Variants in RBPJ observed in about 807,000 individuals in gnomAD.
The protein encoded by RBPJ is recombining binding protein suppressor of hairless.
In RBPJ, 9 loss-of-function variants were observed where a neutral mutation model predicts 67.8. The ratio of observed to expected loss-of-function variants is 0.13; its 90% confidence interval spans 0.08 to 0.23. The LOEUF (loss-of-function observed/expected upper bound fraction) is 0.23. Among genes scored for constraint, RBPJ ranks in the 10% least tolerant of loss-of-function variants. RBPJ has a pLI of 1.00. For synonymous variants in RBPJ, 198 were observed against 203.3 expected (o/e 0.97, Z 0.22); for missense variants, 305 against 595.6 (o/e 0.51, Z 5.08).
At chr4:26,265,874 T>C (rs995923608) in intron 1 of RBPJ, among the ~76,000 whole-genome samples, 1 of 151,988 alleles carries the variant, frequency 6.6e-6, no homozygotes, top group Non-Finnish European at 1.5e-5. Context: ...CCTTCTCTAC[T>C]AAAAATACAA....
chr4:26,391,013 T>A (rs1170394700), intron 2 of RBPJ, among the ~76,000 whole-genome samples: 1 of 152,204 alleles, frequency 6.6e-6, no homozygotes, highest in Non-Finnish European at 1.5e-5. Flanking sequence ...TCCATGTTTG[T>A]GCCTCTGCAC....
intron 1 of RBPJ, among the ~76,000 whole-genome samples, chr4:26,344,068 G>C (rs1029954301): frequency 1.3e-5 from 2 of 151,364 alleles, no homozygotes; most frequent in African/African-American, 2.4e-5. Context: ...CTTTTTAGTA[G>C]AGATGGCATT....
intron 1 of RBPJ, among the ~76,000 whole-genome samples, chr4:26,284,366 C>T (rs1456187551): frequency 6.6e-6 from 1 of 152,206 alleles, no homozygotes; most frequent in Non-Finnish European, 1.5e-5. Flanking sequence ...TTAGTGAAAA[C>T]AATTTTGGTT....
the RBPJ span, among the ~76,000 whole-genome samples, chr4:26,142,168 T>C: frequency 6.6e-6 from 1 of 152,268 alleles, no homozygotes; most frequent in Non-Finnish European, 1.5e-5. Flanking sequence ...TGTTTGCTTT[T>C]GAGAAGTACA....
chr4:26,217,061 A>G lies in RBPJ; in HGVS notation c.-167+53447A>G, dbSNP rs368674726. ...AAGGTGCTCTTTGAGATTCTAGGCA[A>G]AACATGGAGGTGGTTTGGACTAGAT... On this transcript the variant is annotated intron_variant, in intron 1 of 4. Transcript: ENST00000512351. 1.4e-4 allele frequency among the ~76,000 whole-genome samples: 21 copies of G among 152,294 alleles called. 1 individual carries two copies. In the East Asian group the frequency reaches 2.7e-3, roughly 20 times the overall value.
chr4:26,166,810 G>T (rs1716323333), intron 1 of RBPJ, among the ~76,000 whole-genome samples: 1 of 152,160 alleles, frequency 6.6e-6, no homozygotes, highest in African/African-American at 2.4e-5. Flanking sequence ...GTCCTGAATG[G>T]TAATGCCTAG....
intron 1 of RBPJ, among the ~76,000 whole-genome samples, chr4:26,231,410 T>A (rs898585898): frequency 2.0e-5 from 3 of 149,590 alleles, no homozygotes; most frequent in African/African-American, 7.3e-5. Context: ...TTTTTTTAAT[T>A]GCACTTTTTT....
At chr4:26,210,795 CTTT>C in intron 1 of RBPJ, among the ~76,000 whole-genome samples, 1 of 140,480 alleles carries the variant, frequency 7.1e-6, no homozygotes, top group East Asian at 2.1e-4. Context: ...TTCTTTCTTT[CTTT>C]CTTTCTTTCT....
rs1161098754 is a variant in RBPJ, at chr4:26,254,404, C to G, written c.-167+90790C>G. Among the ~76,000 whole-genome samples, 3 of 148,716 alleles carry G rather than the reference C, an allele frequency of 2.0e-5. No homozygotes were observed. In the East Asian group the frequency reaches 5.8e-4, roughly 29 times the overall value. On this transcript the variant is annotated intron_variant, in intron 1 of 4. Coordinates refer to the RBPJ transcript ENST00000512351. ...TTTCTTCAAATACTCTAAATGTATT[C>G]CACTCAACTTTAGGGTCTCAGGGCT...
intron 1 of RBPJ, among the ~76,000 whole-genome samples, chr4:26,252,226 G>T (rs543659169): frequency 6.6e-6 from 1 of 151,532 alleles, no homozygotes; most frequent in Non-Finnish European, 1.5e-5. Flanking sequence ...ATCATCCACC[G>T]CCCTCCCACC....
In RBPJ at chr4:26,314,155, T is replaced by C. The variant is rs74873386; in HGVS notation, c.-166-48291T>C. ...AATAAGTATATATATATCACTGTTTTGCAGTTTTTTAAACTTTGTGATCTT... is the reference window on the plus strand; with the variant it reads ...AATAAGTATATATATATCACTGTTTCGCAGTTTTTTAAACTTTGTGATCTT... On this transcript the variant is annotated intron_variant, in intron 1 of 4. Coordinates refer to the RBPJ transcript ENST00000512351. Among the ~76,000 whole-genome samples the C allele has an allele frequency of 1.5e-3, 228 of 152,310 alleles. 1 individual carries two copies. The highest frequency in any genetic ancestry group is 5.3e-3 in the African/African-American group (222 of 41,570).
At chr4:26,346,749 T>C (rs1211057939) in intron 1 of RBPJ, among the ~76,000 whole-genome samples, 2 of 152,146 alleles carry the variant, frequency 1.3e-5, no homozygotes, top group Non-Finnish European at 2.9e-5. Context: ...CCCAGCACTT[T>C]GGAAGGCCGA....
chr4:26,402,797 C>G (rs1331792664), intron 2 of RBPJ, among the ~76,000 whole-genome samples: 1 of 152,126 alleles, frequency 6.6e-6, no homozygotes, highest in African/African-American at 2.4e-5. Context: ...ACTAGTGAAC[C>G]CCACCTTTTC....
chr4:26,255,264 C>T lies in RBPJ; in HGVS notation c.-167+91650C>T, dbSNP rs1353655468. On this transcript the variant is annotated intron_variant, in intron 1 of 4. Transcript: ENST00000512351. ...CTAAAAATACAAAAAATGAGCCGGG[C>T]GTGGTGGCGGGCGCCTGTAGTCCCA... 7.2e-5 allele frequency among the ~76,000 whole-genome samples: 10 copies of T among 138,988 alleles called. 1 individual carries two copies. In the East Asian group the frequency reaches 8.7e-4, roughly 12 times the overall value. 91.2% of individuals were successfully genotyped at this position (138,988 alleles called of 152,430 possible). A position where few individuals can be genotyped will look rare whatever the true frequency, so the allele number is the denominator to read the frequency against.
the RBPJ span, among the ~76,000 whole-genome samples, chr4:26,137,299 A>G: frequency 6.6e-6 from 1 of 152,182 alleles, no homozygotes; most frequent in Non-Finnish European, 1.5e-5. Flanking sequence ...CCAAAGTTGT[A>G]TGCGTGTGTC....
chr4:26,115,541 C>T, the RBPJ span, among the ~76,000 whole-genome samples: 2 of 152,138 alleles, frequency 1.3e-5, no homozygotes, highest in African/African-American at 4.8e-5. Context: ...CGTGTCACCA[C>T]GTCCAGCTAA....
intron 1 of RBPJ, among the ~76,000 whole-genome samples, chr4:26,206,777 C>T (rs1358597341): frequency 6.6e-6 from 1 of 151,056 alleles, no homozygotes; most frequent in Non-Finnish European, 1.5e-5. Context: ...AAAATCCTGG[C>T]CAGTTTTCCT....
intron 1 of RBPJ, among the ~76,000 whole-genome samples, chr4:26,328,433 T>C (rs80251066): frequency 0.013 from 1,957 of 152,278 alleles, 51 homozygotes; most frequent in African/African-American, 0.045. Flanking sequence ...CAGGTAATTA[T>C]TGTGTAAGGG....
the RBPJ span, among the ~76,000 whole-genome samples, chr4:26,140,761 G>A: frequency 1.2e-4 from 18 of 151,124 alleles, no homozygotes; most frequent in African/African-American, 3.9e-4. Context: ...GCCAAGGACC[G>A]CTCCTGGAGG....
Sources: allele counts gnomAD v4.1 joint callset (sites outside exome capture counted in the v4.1 genomes callset), GRCh38; gene constraint gnomAD v4.1.1; transcripts MANE v1.5; gene names NCBI Gene and HGNC (gene_info 2026-07-23, HGNC 2026-07-21).